KLHL17: variants seen among roughly 807,000 people sequenced by gnomAD.
The protein encoded by KLHL17 is kelch-like protein 17.
KLHL17 carries 71 observed loss-of-function variants against 64.6 expected under a neutral mutation model. That is an observed-to-expected ratio of 1.10 (90% CI 0.91 to 1.34). The LOEUF is 1.34. Among genes scored for constraint, KLHL17 ranks in the 40% most tolerant of loss-of-function variants. The pLI, the probability that KLHL17 is intolerant of heterozygous loss-of-function variation, is 0.00. For synonymous variants in KLHL17, 612 were observed against 405.4 expected, an observed-to-expected ratio of 1.51 and a Z score of -6.12; for missense variants, 1,140 against 935.0, an observed-to-expected ratio of 1.22 and a Z score of -2.86.
At chr1:961,597 G>T in intron 2 of KLHL17, 32 bp from the exon 3 acceptor site, 1 of 1,612,742 alleles carries the variant, frequency 6.2e-7, no homozygotes. Flanking sequence ...TGGGTCCCTC[G>T]GGTCAGCTCG....
In KLHL17 at chr1:960,594, G is replaced by C; in HGVS notation, c.-100G>C. 1 of 1,063,178 alleles carries C rather than the reference G, an allele frequency of 9.4e-7. No homozygotes were observed. Among genetic ancestry groups the C allele is most frequent in the East Asian group, 5.3e-5 (1 of 18,902 alleles). The allele number at this position is 1,063,178 out of a possible 1,614,324, so 65.9% of individuals were successfully genotyped here. ...GCGGGCGGGAGCGGCGGGAGTGAGC[G>C]ACACAGAGCGGGCCGCCACCGCCGA... On this transcript the variant is annotated 5_prime_UTR_variant, in exon 1 of 12. Transcript: ENST00000338591.
At chr1:962,070 C>G (rs745599647) in intron 4 of KLHL17, 23 bp downstream of exon 4, 2 of 1,594,636 alleles carry the variant, frequency 1.3e-6, no homozygotes, top group Non-Finnish European at 8.6e-7. Context: ...GGGCCCAGCC[C>G]TCGCCCCCCA....
chr1:961,714 C>T lies in KLHL17; in HGVS notation c.453C>T (p.Tyr151=), dbSNP rs1642659278. 2 of 1,612,130 alleles carry T rather than the reference C, an allele frequency of 1.2e-6. No individual in the cohort carries two copies. The highest frequency in any genetic ancestry group is 2.2e-5 in the East Asian group (1 of 44,816). ...QALDQLVQFA[Y]TAEIVVGEGN... Reference sequence around the variant, plus strand: ...TGGACCAGCTGGTGCAGTTTGCCTACACGGCTGAGATTGTGGTGGGCGAGG... The same window carrying T: ...TGGACCAGCTGGTGCAGTTTGCCTATACGGCTGAGATTGTGGTGGGCGAGG... The change falls in exon 3 of 12, where the codon TAC becomes TAT. Residue 151 remains tyrosine, a synonymous_variant. Transcript: ENST00000338591.
At position 961,614 on chromosome 1, in the gene KLHL17, C is replaced by G. The variant is rs372696868; in HGVS notation, c.368-15C>G. 3.7e-6 allele frequency: 6 copies of G among 1,612,662 alleles called. No homozygotes were observed. The South Asian group carries it at 4.4e-5, about 12-fold the overall frequency. ...GGTCCCTCGGGTCAGCTCGTGTAAC[C>G]CGCTGTCCCCGCAGATGAGATGAGC... On this transcript the variant is annotated splice_polypyrimidine_tract_variant and intron_variant, in intron 2 of 11. Transcript: ENST00000338591.
intron 5 of KLHL17, 72 bp from the exon 6 acceptor site, chr1:962,632 G>A (rs1642710346): frequency 5.9e-6 from 9 of 1,529,058 alleles, no homozygotes; most frequent in African/African-American, 1.4e-5. Flanking sequence ...CGGGCATCTG[G>A]GGGGTTGTCT....
At chr1:962,225 ACT>A (rs1410674520) in intron 4 of KLHL17, 128 bp from the exon 5 acceptor site, 1 of 1,465,626 alleles carries the variant, frequency 6.8e-7, no homozygotes, top group East Asian at 2.4e-5. Flanking sequence ...GTGGCTCCTG[ACT>A]CTGCTCGGCC....
chr1:962,607 A>G (rs1642709341), intron 5 of KLHL17, 97 bp from the exon 6 acceptor site: 1 of 1,520,716 alleles, frequency 6.6e-7, no homozygotes, highest in Non-Finnish European at 8.8e-7. Context: ...AGAAGAATCC[A>G]TCACACAGGT....
rs1314489247 is a variant in KLHL17, at chr1:961,367, G to GC, written c.184dup (p.Arg62ProfsTer63). ...ATGGAGGGAGCCGTGCAGCTGCTGAGCCGCGAGGGCCACAGCGTGGCCCAC... is the reference window on the plus strand; with the variant it reads ...ATGGAGGGAGCCGTGCAGCTGCTGAGCCCGCGAGGGCCACAGCGTGGCCCAC... On this transcript the variant is annotated frameshift_variant, in exon 2 of 12. Coordinates refer to ENST00000338591, the MANE Select transcript of KLHL17 (RefSeq NM_198317.3). LOFTEE classifies it high-confidence loss of function. 6.3e-7 allele frequency: 1 copy of GC among 1,594,512 alleles called. No individual in the cohort carries two copies. The highest frequency in any genetic ancestry group is 1.7e-5 in the Admixed American group (1 of 57,776).
In KLHL17 at chr1:960,596, C is replaced by G. The variant is rs1642592107; in HGVS notation, c.-98C>G. On this transcript the variant is annotated 5_prime_UTR_variant, in exon 1 of 12. Transcript: ENST00000338591. The stretch of plus-strand genomic sequence containing the variant: ...GGGCGGGAGCGGCGGGAGTGAGCGA[C>G]ACAGAGCGGGCCGCCACCGCCGAGC... The G allele has an allele frequency of 9.2e-7, 1 of 1,086,802 alleles. No homozygotes were observed. Among genetic ancestry groups the G allele is most frequent in the Non-Finnish European group, 1.1e-6 (1 of 870,734 alleles). 67.3% of individuals were successfully genotyped at this position (1,086,802 alleles called of 1,614,324 possible).
In KLHL17 at chr1:963,327, A is replaced by AT; in HGVS notation, c.1188-8dup. 1 of 1,605,730 alleles carries AT rather than the reference A, an allele frequency of 6.2e-7. No individual in the cohort carries two copies. The highest frequency in any genetic ancestry group is 1.1e-5 in the South Asian group (1 of 90,782). ...GCCAGTCTTGACCTGCAGTGGCTTA[A>AT]TTCCGCTAGCTATGATGGGACCTCA... On this transcript the variant is annotated splice_polypyrimidine_tract_variant and intron_variant, in intron 7 of 11. Transcript: ENST00000338591.
rs773282219 is a variant in KLHL17, at chr1:962,905, C to T, written c.1030C>T (p.Leu344Phe). 1.3e-6 allele frequency: 2 copies of T among 1,551,724 alleles called. No homozygotes were observed. The highest frequency in any genetic ancestry group is 4.5e-5 in the East Asian group (2 of 44,282). Residue 344 changes from leucine (L) to phenylalanine (F), a missense_variant, in exon 6 of 12, where the codon CTT becomes TTT. Physicochemically the swap from Leu to Phe is conservative, Grantham distance 22. Transcript: ENST00000338591. ...GCGCTGCGAGGGGGCCGGGCCTGTG[C>T]TTTTTGCTGTGGGTATGGCCCCCCG... ...PRRCEGAGPV[L>F]FAVGGGSLFA... is the part of the protein sequence containing the mutation.
intron 4 of KLHL17, 108 bp downstream of exon 4, chr1:962,155 T>C: frequency 8.0e-7 from 1 of 1,256,136 alleles, no homozygotes; most frequent in Non-Finnish European, 1.1e-6. Context: ...CCACAATCCT[T>C]AGTGCCTGCT....
rs1642818423 is a variant in KLHL17, at chr1:964,539, TG to T, written c.1700+13del. 3.4e-6 allele frequency: 5 copies of T among 1,468,854 alleles called. No individual in the cohort carries two copies. The highest frequency in any genetic ancestry group is 1.7e-5 in the African/African-American group (1 of 59,234). 91.0% of individuals were successfully genotyped at this position (1,468,854 alleles called of 1,614,324 possible). On this transcript the variant is annotated intron_variant, in intron 11 of 11. Transcript: ENST00000338591. ...CCCATGAATATCCGCAGGTCCGCAGTGGGGCTGCGGGGAGGGGGGCGCGGGT... is the reference window on the plus strand; with the variant it reads ...CCCATGAATATCCGCAGGTCCGCAGTGGGCTGCGGGGAGGGGGGCGCGGGT...
chr1:960,910 G>A, intron 1 of KLHL17, 110 bp downstream of exon 1: 2 of 806,692 alleles, frequency 2.5e-6, no homozygotes, highest in Non-Finnish European at 3.0e-6. Context: ...GCCGGGGGAG[G>A]TCGGGACTCA....
At chr1:961,786 G>A (rs749662165) in intron 3 of KLHL17, 36 bp downstream of exon 3, 22 of 1,611,192 alleles carry the variant, frequency 1.4e-5, no homozygotes, top group South Asian at 2.2e-5. Flanking sequence ...GGTGTCCCCC[G>A]ACCCTGTGCC....
At chr1:961,264 G>A in intron 1 of KLHL17, 29 bp from the exon 2 acceptor site, 2 of 1,416,002 alleles carry the variant, frequency 1.4e-6, no homozygotes, top group East Asian at 3.0e-5. Context: ...CTCCAGCGGG[G>A]CGAAGCCTGA....
rs200323901 is a variant in KLHL17 at position 961,424 on chromosome 1, T to C, written c.239T>C (p.Val80Ala). ...NSKRHYHDAF[V>A]AMSRMRQRGL... is the part of the protein sequence containing the mutation. ...AAGCGGCACTACCACGATGCCTTCG[T>C]GGCCATGAGCCGCATGCGCCAGCGC... is the stretch of plus-strand genomic sequence containing the variant. Residue 80 changes from valine (V) to alanine (A), a missense_variant, in exon 2 of 12, where the codon GTG (valine) becomes GCG (alanine). By Grantham distance (64) the Val-to-Ala change is moderately conservative. Coordinates refer to ENST00000338591, the MANE Select transcript of KLHL17 (RefSeq NM_198317.3). 2.5e-6 allele frequency: 4 copies of C among 1,611,920 alleles called. No individual in the cohort carries two copies. Among genetic ancestry groups the C allele is most frequent in the Non-Finnish European group, 8.5e-7 (1 of 1,179,686 alleles).
Position 964,379 on chromosome 1 carries a change from C to T in KLHL17, c.1549C>T (p.Leu517=). 1.3e-6 allele frequency: 2 copies of T among 1,557,906 alleles called. No individual in the cohort carries two copies. Among genetic ancestry groups the T allele is most frequent in the Non-Finnish European group, 8.7e-7 (1 of 1,152,212 alleles). ...CGTGTGGTCGCCCGTGGCGTCCATG[C>T]TGAGCCGACGCAGCTCAGCGGGCGT... ...VNVWSPVASM[L]SRRSSAGVAV... Residue 517 remains leucine, a synonymous_variant, in exon 11 of 12, where the codon CTG becomes TTG. Coordinates refer to ENST00000338591, the MANE Select transcript of KLHL17 (RefSeq NM_198317.3).
chr1:962,420 C>G lies in KLHL17; in HGVS notation c.777C>G (p.Val259=), dbSNP rs1553162988. 1 of 1,612,640 alleles carries G rather than the reference C, an allele frequency of 6.2e-7. No homozygotes were observed. The highest frequency in any genetic ancestry group is 8.5e-7 in the Non-Finnish European group (1 of 1,179,946). Residue 259 remains valine, a synonymous_variant, in exon 5 of 12, where the codon GTC becomes GTG. Transcript: ENST00000338591. ...CAGAGGAGGAGGTCTACCGAGCCGT[C>G]CTGAGCTGGGTGAAACACGACGTGG... ...VPSEEEVYRA[V]LSWVKHDVDA... is the part of the protein sequence containing the mutation.
Sources: gnomAD v4.1 joint callset for allele counts on GRCh38, gnomAD v4.1.1 for gene constraint, MANE v1.5 for transcripts, NCBI Gene and HGNC (gene_info 2026-07-23, HGNC 2026-07-21) for gene names.